SYCP2L: variants seen among roughly 807,000 people sequenced by gnomAD.
The protein encoded by SYCP2L is synaptonemal complex protein 2-like.
SYCP2L carries 98 observed loss-of-function variants against 125.8 expected under a neutral mutation model. The ratio of observed to expected loss-of-function variants is 0.78; its 90% CI spans 0.66 to 0.92. SYCP2L has a LOEUF of 0.92. Ranked by LOEUF, SYCP2L falls within the 40% of genes least tolerant of loss-of-function variation. The pLI, the probability that SYCP2L is intolerant of heterozygous loss-of-function variation, is 0.00. For synonymous variants in SYCP2L, 317 were observed against 325.4 expected (o/e 0.97, Z 0.28); for missense variants, 842 against 936.4 (o/e 0.90, Z 1.32).
rs766281480 is a variant in SYCP2L at position 10,931,490 on chromosome 6, G to GT, written c.1683+2dup. 1.2e-6 allele frequency: 2 copies of GT among 1,613,924 alleles called. No homozygotes were observed. Among genetic ancestry groups the GT allele is most frequent in the Admixed American group, 3.3e-5 (2 of 59,992 alleles). ...TGGCAGTGGCCATGAGAAAGACCAA[G>GT]TAAGTACATTGTATCTGGGTTGCTG... is the stretch of plus-strand genomic sequence containing the variant. On this transcript the variant is annotated splice_donor_variant, in intron 20 of 29. Coordinates refer to ENST00000283141, the MANE Select transcript of SYCP2L (RefSeq NM_001040274.3). LOFTEE classifies it high-confidence loss of function.
intron 4 of SYCP2L, among the ~76,000 whole-genome samples, chr6:10,897,071 A>G (rs1020264944): frequency 1.3e-5 from 2 of 152,074 alleles, no homozygotes; most frequent in African/African-American, 2.4e-5. Flanking sequence ...GACCAGTCTC[A>G]GTTAAAATCA....
At chr6:10,961,456 A>G (rs1781592221) in intron 27 of SYCP2L, 44 bp from the exon 28 acceptor site, 2 of 1,613,506 alleles carry the variant, frequency 1.2e-6, no homozygotes, top group Admixed American at 1.7e-5. Flanking sequence ...TTCCCAGGGA[A>G]AAATAACGCT....
rs1233479925 is a variant in SYCP2L, at chr6:10,970,101, G to A, written c.*38-3851G>A. Among the ~76,000 whole-genome samples, 4 of 152,146 alleles carry A rather than the reference G, an allele frequency of 2.6e-5. No individual in the cohort carries two copies. The East Asian group carries it at 7.7e-4, about 29-fold the overall frequency. On this transcript the variant is annotated intron_variant, in intron 29 of 29. Transcript: ENST00000283141. Reference sequence around the variant, plus strand: ...TGCCAGTGCTAAGAAGGAAAACACTGTGGATAAGAGAGAGACTCACAGCGT... The same window carrying A: ...TGCCAGTGCTAAGAAGGAAAACACTATGGATAAGAGAGAGACTCACAGCGT...
Position 10,902,737 on chromosome 6 carries a change from CTG to C in SYCP2L, c.529_530del (p.Val177LysfsTer13). On this transcript the variant is annotated frameshift_variant, in exon 7 of 30. Coordinates refer to ENST00000283141, the MANE Select transcript of SYCP2L (RefSeq NM_001040274.3). LOFTEE classifies it high-confidence loss of function. Reference sequence around the variant, plus strand: ...TTAGGATTCCTGGTGACAGAAAAGACTGTAAATCATTTGCTTCAACAGGAGGT... The same window carrying C: ...TTAGGATTCCTGGTGACAGAAAAGACTAAATCATTTGCTTCAACAGGAGGT... 1.9e-6 allele frequency: 3 copies of C among 1,614,148 alleles called. No individual in the cohort carries two copies. The highest frequency in any genetic ancestry group is 1.7e-6 in the Non-Finnish European group (2 of 1,180,012).
intron 6 of SYCP2L, 120 bp downstream of exon 6, chr6:10,898,968 A>T (rs1207837543): frequency 1.4e-6 from 1 of 694,764 alleles, no homozygotes; most frequent in Non-Finnish European, 2.6e-6. Flanking sequence ...ATTTGGATTT[A>T]TTGACCACCT....
In SYCP2L at chr6:10,935,151, G is replaced by C. The variant is rs556489779; in HGVS notation, c.1777G>C (p.Ala593Pro). ...TGAACAAAAATTCCAAGATAGTTTTGCTTTTTTGACTGCTGAAGATTCTGC... is the reference window on the plus strand; with the variant it reads ...TGAACAAAAATTCCAAGATAGTTTTCCTTTTTTGACTGCTGAAGATTCTGC... Reference protein sequence around the residue: ...TSEQKFQDSFAFLTAEDSAQK... With the variant: ...TSEQKFQDSFPFLTAEDSAQK... The change falls in exon 21 of 30, where the codon GCT (alanine) becomes CCT (proline). Residue 593 changes from alanine (A) to proline (P), a missense_variant. Ala to Pro is a conservative substitution (Grantham distance 27, BLOSUM62 -1). Transcript: ENST00000283141. 6.2e-6 allele frequency: 10 copies of C among 1,612,992 alleles called. No individual in the cohort carries two copies. The highest frequency in any genetic ancestry group is 1.7e-4 in the Middle Eastern group (1 of 6,056).
intron 6 of SYCP2L, 129 bp from the exon 7 acceptor site, chr6:10,902,548 A>T: frequency 1.4e-6 from 1 of 717,386 alleles, no homozygotes; most frequent in South Asian, 1.9e-5. Flanking sequence ...TAAGAGGCAC[A>T]GCCTGCAAAG....
At chr6:10,969,655 C>T (rs139217989) in intron 29 of SYCP2L, among the ~76,000 whole-genome samples, 4,521 of 152,024 alleles carry the variant, frequency 0.03, 204 homozygotes, top group East Asian at 0.22. Flanking sequence ...TGAGCCACCG[C>T]GCCTGGCCGG....
chr6:10,956,080 A>T (rs1781498887), intron 24 of SYCP2L, 56 bp from the exon 25 acceptor site: 2 of 1,402,290 alleles, frequency 1.4e-6, no homozygotes, highest in East Asian at 4.7e-5. Flanking sequence ...TGAATTGAGC[A>T]AGTCTACTTT....
intron 1 of SYCP2L, 148 bp from the exon 2 acceptor site, chr6:10,891,365 C>G (rs1472367893): frequency 1.6e-6 from 1 of 609,698 alleles, no homozygotes; most frequent in Non-Finnish European, 2.8e-6. Flanking sequence ...TTACTTAGAC[C>G]TATAATATGA....
intron 29 of SYCP2L, among the ~76,000 whole-genome samples, chr6:10,967,457 GTGTGT>G (rs1561704223): frequency 8.1e-4 from 109 of 134,240 alleles, no homozygotes; most frequent in African/African-American, 3.1e-3. Flanking sequence ...GGTAGAGGGT[GTGTGT>G]GTGTGTGTGT....
At chr6:10,919,532 C>T (rs1780752534) in intron 14 of SYCP2L, among the ~76,000 whole-genome samples, 1 of 152,168 alleles carries the variant, frequency 6.6e-6, no homozygotes, top group South Asian at 2.1e-4. Flanking sequence ...GTTTAATGCT[C>T]TGTTTTTGTG....
chr6:10,900,138 A>G (rs1328604002), intron 6 of SYCP2L, among the ~76,000 whole-genome samples: 1 of 152,200 alleles, frequency 6.6e-6, no homozygotes, highest in Non-Finnish European at 1.5e-5. Flanking sequence ...TTAGGCTGCC[A>G]TGACAAAATG....
intron 14 of SYCP2L, among the ~76,000 whole-genome samples, chr6:10,920,167 G>C (rs554914194): frequency 1.3e-5 from 2 of 152,216 alleles, no homozygotes; most frequent in African/African-American, 4.8e-5. Flanking sequence ...ATCTCAGGGG[G>C]TGCCTGGTTT....
chr6:10,966,388 G>A (rs1203454913), intron 29 of SYCP2L, among the ~76,000 whole-genome samples: 3 of 152,058 alleles, frequency 2.0e-5, no homozygotes, highest in Non-Finnish European at 4.4e-5. Context: ...AAATAGTAGC[G>A]ATTAGTTACT....
chr6:10,956,156 C>A lies in SYCP2L; in HGVS notation c.2077C>A (p.Leu693Ile). ...TCCAGAAGGAATTTCCACTTCATCC[C>A]TAGAAGTTGTGCCAGAGAACTTGAA... is the stretch of plus-strand genomic sequence containing the variant. Reference protein sequence around the residue: ...ELPEGISTSSLEVVPENLNGS... With the variant: ...ELPEGISTSSIEVVPENLNGS... The change falls in exon 25 of 30, where the codon CTA (leucine) becomes ATA (isoleucine). Residue 693 changes from leucine to isoleucine, a missense_variant. Physicochemically the swap from Leu to Ile is conservative, Grantham distance 5. Transcript: ENST00000283141. 6.2e-7 allele frequency: 1 copy of A among 1,613,684 alleles called. No homozygotes were observed. Among genetic ancestry groups the A allele is most frequent in the South Asian group, 1.1e-5 (1 of 91,052 alleles).
At chr6:10,927,477 C>A (rs139815879) in intron 17 of SYCP2L, 110 bp downstream of exon 17, 6 of 801,610 alleles carry the variant, frequency 7.5e-6, no homozygotes, top group Admixed American at 4.9e-5. Context: ...CATCACATGT[C>A]GGTAGGTTCC....
intron 23 of SYCP2L, among the ~76,000 whole-genome samples, chr6:10,950,462 C>T (rs1781390421): frequency 6.6e-6 from 1 of 152,186 alleles, no homozygotes; most frequent in Admixed American, 6.5e-5. Flanking sequence ...TTCCTCTTTG[C>T]ACCTTTCCTC....
chr6:10,928,185 C>T (rs969758433), intron 17 of SYCP2L, among the ~76,000 whole-genome samples: 1 of 151,232 alleles, frequency 6.6e-6, no homozygotes, highest in Non-Finnish European at 1.5e-5. Flanking sequence ...AGATTAAAGA[C>T]AGGCATAGGA....
Sources: gnomAD v4.1 joint callset for allele counts (sites outside exome capture counted in the v4.1 genomes callset) on GRCh38, gnomAD v4.1.1 for gene constraint, MANE v1.5 for transcripts, NCBI Gene and HGNC (gene_info 2026-07-23, HGNC 2026-07-21) for gene names.